Variants in SP100 observed in about 807,000 individuals in gnomAD.
SP100 encodes the protein SP100 nuclear body protein.
A neutral mutation model predicts 130.0 loss-of-function variants in SP100; 84 were observed. The observed-to-expected ratio is 0.65, with a 90% CI of 0.54 to 0.77. The LOEUF is 0.77. Ranked by LOEUF, SP100 falls within the 30% of genes least tolerant of loss-of-function variation. The pLI, the probability that SP100 is intolerant of heterozygous loss-of-function variation, is 0.00. For missense variants in SP100, 978 were observed against 1,052.2 expected, an observed-to-expected ratio of 0.93 and a Z score of 0.97; for synonymous variants, 331 against 351.7, an observed-to-expected ratio of 0.94 and a Z score of 0.66.
In SP100 at chr2:230,483,210, AAAG is replaced by A. The variant is rs1327792430; in HGVS notation, c.1600+8766_1600+8768del. Among the ~76,000 whole-genome samples, 20 of 152,350 alleles carry A rather than the reference AAAG, an allele frequency of 1.3e-4. No homozygotes were observed. The East Asian group carries it at 3.9e-3, about 29-fold the overall frequency. Reference sequence around the variant, plus strand: ...TAGTGACAATGTCATAAAGAAAAATAAAGAATAATGGAGGTGTACAGTGACAGA... The same window carrying A: ...TAGTGACAATGTCATAAAGAAAAATAAATAATGGAGGTGTACAGTGACAGA... On this transcript the variant is annotated intron_variant, in intron 17 of 28. Transcript: ENST00000340126.
rs911388715 is a variant in SP100 at position 230,444,309 on chromosome 2, C to T, written c.402C>T (p.Tyr134=). 9 of 1,612,764 alleles carry T rather than the reference C, an allele frequency of 5.6e-6. No individual in the cohort carries two copies. The highest frequency in any genetic ancestry group is 1.3e-5 in the African/African-American group (1 of 74,936). Reference sequence around the variant, plus strand: ...TCAGCGATGTCAACATGCAGGAATACCCCGATTTAATTCACATTTATAAAG... The same window carrying T: ...TCAGCGATGTCAACATGCAGGAATATCCCGATTTAATTCACATTTATAAAG... ...ALFSDVNMQE[Y]PDLIHIYKGF... Residue 134 remains tyrosine (Y), a synonymous_variant, in exon 4 of 29, where the codon TAC becomes TAT. Transcript: ENST00000340126.
At chr2:230,516,765 A>G (rs1690936262) in intron 24 of SP100, among the ~76,000 whole-genome samples, 1 of 152,208 alleles carries the variant, frequency 6.6e-6, no homozygotes, top group Non-Finnish European at 1.5e-5. Context: ...GTGGATGTCA[A>G]AAACTTAGAA....
chr2:230,503,045 G>A, intron 19 of SP100, 21 bp from the exon 20 acceptor site: 2 of 1,574,010 alleles, frequency 1.3e-6, no homozygotes, highest in Non-Finnish European at 1.7e-6. Context: ...AGACATTTAT[G>A]TTGTTTTTCA....
intron 23 of SP100, 82 bp downstream of exon 23, chr2:230,508,113 T>A: frequency 5.1e-6 from 8 of 1,564,976 alleles, no homozygotes; most frequent in Non-Finnish European, 6.9e-6. Flanking sequence ...AGTCTTTAAA[T>A]TGACCCATCA....
At chr2:230,488,801 C>A (rs1212827331) in intron 17 of SP100, among the ~76,000 whole-genome samples, 1 of 152,194 alleles carries the variant, frequency 6.6e-6, no homozygotes, top group Non-Finnish European at 1.5e-5. Flanking sequence ...GTCTTTGGTT[C>A]TGTTTATGTG....
chr2:230,477,874 G>T (rs1470213511), intron 17 of SP100, among the ~76,000 whole-genome samples: 1 of 147,650 alleles, frequency 6.8e-6, no homozygotes, highest in African/African-American at 2.5e-5. Flanking sequence ...GGCAGAGGTT[G>T]CAGTGAGCTG....
chr2:230,470,443 C>T, intron 15 of SP100: 1 of 994,654 alleles, frequency 1.0e-6, no homozygotes, highest in Non-Finnish European at 1.2e-6. Flanking sequence ...ACATCATTGT[C>T]ATTTGTAATT....
intron 28 of SP100, 106 bp downstream of exon 28, chr2:230,542,141 T>C: frequency 8.4e-7 from 1 of 1,196,320 alleles, no homozygotes; most frequent in Non-Finnish European, 1.2e-6. Flanking sequence ...GCCCTTATCA[T>C]ATGACAAGCC....
intron 8 of SP100, among the ~76,000 whole-genome samples, chr2:230,456,745 ATTTG>A (rs1044757793): frequency 2.0e-4 from 31 of 152,218 alleles, no homozygotes; most frequent in African/African-American, 7.2e-4. Context: ...CAGCTCCAGA[ATTTG>A]TTTGATTTTT....
At chr2:230,447,425 G>A (rs1156156) in intron 5 of SP100, among the ~76,000 whole-genome samples, 73,283 of 151,916 alleles carry the variant, frequency 0.48, 18,280 homozygotes, top group Middle Eastern at 0.55. Context: ...GACTTGGCAC[G>A]GACTCCGCAG....
At chr2:230,467,050 G>A (rs2064997253) in intron 12 of SP100, 70 bp from the exon 13 acceptor site, 2 of 1,057,468 alleles carry the variant, frequency 1.9e-6, no homozygotes, top group Non-Finnish European at 2.9e-6. Context: ...CCTTTTCATA[G>A]AATATTATTC....
chr2:230,416,404 GC>G (rs2062600851), intron 1 of SP100, 76 bp downstream of exon 1: 2 of 1,270,464 alleles, frequency 1.6e-6, no homozygotes, highest in Non-Finnish European at 2.3e-6. Flanking sequence ...TTCAGTTTGT[GC>G]CTAAGGCTTC....
At chr2:230,450,068 T>C (rs181300933) in intron 7 of SP100, 104 bp from the exon 8 acceptor site, 89 of 782,202 alleles carry the variant, frequency 1.1e-4, no homozygotes, top group African/African-American at 1.1e-3. Context: ...GGGGTATAAG[T>C]AGAAACAGGA....
intron 24 of SP100, among the ~76,000 whole-genome samples, chr2:230,521,752 A>C (rs1341158515): frequency 1.3e-5 from 2 of 152,078 alleles, no homozygotes; most frequent in East Asian, 3.9e-4. Flanking sequence ...AAGCCCTCCT[A>C]AGCAGCTGCC....
At chr2:230,503,037 A>G in intron 19 of SP100, 29 bp from the exon 20 acceptor site, 1 of 1,548,244 alleles carries the variant, frequency 6.5e-7, no homozygotes, top group Non-Finnish European at 8.8e-7. Context: ...ATGTAAAGAG[A>G]CATTTATGTT....
chr2:230,516,186 T>A, intron 24 of SP100: 1 of 465,982 alleles, frequency 2.1e-6, no homozygotes, highest in Non-Finnish European at 2.8e-6. Flanking sequence ...CAAAACAATC[T>A]TGTCATACTT....
chr2:230,505,715 G>A (rs1266484605), intron 21 of SP100, among the ~76,000 whole-genome samples: 1 of 152,210 alleles, frequency 6.6e-6, no homozygotes. Flanking sequence ...CCATGACTAT[G>A]TTGCATAAGC....
At chr2:230,507,879 T>G in intron 22 of SP100, 114 bp from the exon 23 acceptor site, 1 of 870,814 alleles carries the variant, frequency 1.1e-6, no homozygotes. Flanking sequence ...ATACCTTGAA[T>G]TTGAGTTAAT....
At chr2:230,428,463 G>A (rs1454665993) in intron 2 of SP100, among the ~76,000 whole-genome samples, 11 of 146,352 alleles carry the variant, frequency 7.5e-5, no homozygotes, top group Middle Eastern at 4.0e-3. Context: ...TTTTTTTTGA[G>A]ACGGAGTCTC....
Sources: allele counts gnomAD v4.1 joint callset (sites outside exome capture counted in the v4.1 genomes callset), GRCh38; gene constraint gnomAD v4.1.1; transcripts MANE v1.5; gene names NCBI Gene and HGNC (gene_info 2026-07-23, HGNC 2026-07-21).